GLDN: variants seen among roughly 807,000 people sequenced by gnomAD.
GLDN encodes collomin.
In GLDN, 47 loss-of-function variants were observed where a neutral mutation model predicts 56.5. The ratio of observed to expected loss-of-function variants is 0.83; its 90% CI spans 0.66 to 1.06. The LOEUF is 1.06. GLDN is among the 50% of genes least tolerant of loss of function. GLDN has a pLI of 0.00. For missense variants in GLDN, 782 were observed against 714.3 expected (o/e 1.09, Z -1.08); for synonymous variants, 332 against 278.8 (o/e 1.19, Z -1.90).
chr15:51,342,266 T>G (rs1595795959), intron 1 of GLDN, among the ~76,000 whole-genome samples: 4 of 151,950 alleles, frequency 2.6e-5, no homozygotes, highest in African/African-American at 7.3e-5. Flanking sequence ...AAGGAGGGAG[T>G]CTCTTCTACC....
intron 9 of GLDN, among the ~76,000 whole-genome samples, chr15:51,402,326 A>G (rs2038272411): frequency 6.6e-6 from 1 of 152,222 alleles, no homozygotes; most frequent in African/African-American, 2.4e-5. Flanking sequence ...AGAATTGCTG[A>G]AGTTCTGTCT....
chr15:51,364,205 G>A (rs575184918), intron 1 of GLDN, among the ~76,000 whole-genome samples: 4 of 152,118 alleles, frequency 2.6e-5, no homozygotes, highest in East Asian at 1.9e-4. Flanking sequence ...CTAATTACAC[G>A]GGTATTGGGC....
chr15:51,412,349 A>G (rs1363794063), downstream of GLDN, among the ~76,000 whole-genome samples: 2 of 152,350 alleles, frequency 1.3e-5, no homozygotes, highest in Non-Finnish European at 2.9e-5. Flanking sequence ...GATAAGGGTT[A>G]AAGACATCCA....
chr15:51,378,083 C>T (rs1323208064), intron 2 of GLDN, among the ~76,000 whole-genome samples: 1 of 152,152 alleles, frequency 6.6e-6, no homozygotes, highest in African/African-American at 2.4e-5. Flanking sequence ...CCTTTTTCCC[C>T]AATATTTCCC....
intron 1 of GLDN, among the ~76,000 whole-genome samples, chr15:51,362,739 C>A (rs1470857647): frequency 6.6e-6 from 1 of 151,874 alleles, no homozygotes; most frequent in Non-Finnish European, 1.5e-5. Flanking sequence ...TGTGGGTGGG[C>A]AAGTTAGGTC....
chr15:51,404,665 A>G lies in GLDN; in HGVS notation c.1567A>G (p.Asn523Asp). The G allele has an allele frequency of 6.2e-7, 1 of 1,613,518 alleles. No homozygotes were observed. Among genetic ancestry groups the G allele is most frequent in the South Asian group, 1.1e-5 (1 of 91,068 alleles). ...SQSVLAMLAY[N>D]MRDQHLYSWE... is the part of the protein sequence containing the mutation. Reference sequence around the variant, plus strand: ...GTCTGTTCTTGCCATGTTAGCATACAACATGAGAGATCAGCATTTATATTC... The same window carrying G: ...GTCTGTTCTTGCCATGTTAGCATACGACATGAGAGATCAGCATTTATATTC... Residue 523 changes from asparagine (N) to aspartate (D), a missense_variant, in exon 10 of 10, where the codon AAC becomes GAC. By Grantham distance (23) the Asn-to-Asp change is conservative. Transcript: ENST00000335449.
chr15:51,369,514 G>T (rs756821669), intron 1 of GLDN, among the ~76,000 whole-genome samples: 13 of 152,184 alleles, frequency 8.5e-5, no homozygotes, highest in Non-Finnish European at 1.6e-4. Context: ...GAGCAGGTTT[G>T]CTCTCTTACT....
chr15:51,372,890 G>T (rs1180105335), intron 1 of GLDN, among the ~76,000 whole-genome samples: 5 of 152,182 alleles, frequency 3.3e-5, no homozygotes, highest in Non-Finnish European at 7.3e-5. Flanking sequence ...GGAAGTCCAA[G>T]ATTGAGGTAC....
rs1011032120 is a variant in GLDN at position 51,341,843 on chromosome 15, G to T, written c.159G>T (p.Ala53=). ...GLSSALRALE[A]QRGREQREDS... Reference sequence around the variant, plus strand: ...GCTCGGCGCTGCGGGCTTTGGAGGCGCAGCGGGGCCGGGAGCAGCGCGAGG... The same window carrying T: ...GCTCGGCGCTGCGGGCTTTGGAGGCTCAGCGGGGCCGGGAGCAGCGCGAGG... Residue 53 remains alanine, a synonymous_variant, in exon 1 of 10, where the codon GCG becomes GCT. Transcript: ENST00000335449. 1 of 1,521,250 alleles carries T rather than the reference G, an allele frequency of 6.6e-7. No homozygotes were observed. The highest frequency in any genetic ancestry group is 2.0e-5 in the Admixed American group (1 of 49,472). 94.2% of individuals were successfully genotyped at this position (1,521,250 alleles called of 1,614,324 possible). A position where few individuals can be genotyped will look rare whatever the true frequency, so the allele number is the denominator to read the frequency against.
intron 2 of GLDN, among the ~76,000 whole-genome samples, chr15:51,381,681 G>A (rs2037763686): frequency 6.6e-6 from 1 of 151,878 alleles, no homozygotes; most frequent in Non-Finnish European, 1.5e-5. Flanking sequence ...AATACCTCTT[G>A]AATGTCTAGC....
chr15:51,403,487 A>G (rs2141137077), intron 9 of GLDN, among the ~76,000 whole-genome samples: 1 of 152,276 alleles, frequency 6.6e-6, no homozygotes, highest in Non-Finnish European at 1.5e-5. Flanking sequence ...TTTTAGCCTA[A>G]TGTTCCTGAA....
chr15:51,399,374 T>G (rs2038200975), intron 6 of GLDN, among the ~76,000 whole-genome samples: 1 of 152,190 alleles, frequency 6.6e-6, no homozygotes, highest in African/African-American at 2.4e-5. Context: ...GGCCTGAGGT[T>G]CAGTCCATGT....
In GLDN at chr15:51,404,681, A is replaced by G; in HGVS notation, c.1583A>G (p.His528Arg). Residue 528 changes from histidine (H) to arginine (R), a missense_variant, in exon 10 of 10, where the codon CAT becomes CGT. His to Arg is a conservative substitution (Grantham distance 29). Coordinates refer to ENST00000335449, the MANE Select transcript of GLDN (RefSeq NM_181789.4). ...AMLAYNMRDQ[H>R]LYSWEDGHLM... Reference sequence around the variant, plus strand: ...TTAGCATACAACATGAGAGATCAGCATTTATATTCATGGGAAGATGGCCAT... The same window carrying G: ...TTAGCATACAACATGAGAGATCAGCGTTTATATTCATGGGAAGATGGCCAT... 6.2e-7 allele frequency: 1 copy of G among 1,613,210 alleles called. No homozygotes were observed. Among genetic ancestry groups the G allele is most frequent in the East Asian group, 2.2e-5 (1 of 44,886 alleles).
downstream of GLDN, among the ~76,000 whole-genome samples, chr15:51,412,243 T>C (rs1286582773): frequency 6.6e-6 from 1 of 152,214 alleles, no homozygotes; most frequent in African/African-American, 2.4e-5. Context: ...AGTCTGACAC[T>C]AGAGTTCATG....
At chr15:51,412,600 G>A (rs573480853), downstream of GLDN, among the ~76,000 whole-genome samples, 129 of 152,302 alleles carry the variant, frequency 8.5e-4, no homozygotes, top group Middle Eastern at 0.024. Context: ...TGTTAGCATA[G>A]GATATCTTTT....
intron 1 of GLDN, among the ~76,000 whole-genome samples, chr15:51,362,458 C>T (rs1383241139): frequency 6.8e-6 from 1 of 146,678 alleles, no homozygotes; most frequent in Non-Finnish European, 1.5e-5. Context: ...GCACTTCAGC[C>T]TGGGTGACAG....
intron 9 of GLDN, among the ~76,000 whole-genome samples, chr15:51,404,075 C>T (rs1033513240): frequency 6.6e-6 from 1 of 152,164 alleles, no homozygotes; most frequent in African/African-American, 2.4e-5. Flanking sequence ...CTAGCACAGC[C>T]AGTCATTGTC....
At chr15:51,356,961 G>T (rs938538610) in intron 1 of GLDN, among the ~76,000 whole-genome samples, 2 of 152,156 alleles carry the variant, frequency 1.3e-5, no homozygotes, top group African/African-American at 4.8e-5. Flanking sequence ...TGACCCTAAA[G>T]TTTGGAATCT....
chr15:51,368,505 A>G (rs992140121), intron 1 of GLDN, among the ~76,000 whole-genome samples: 5 of 151,876 alleles, frequency 3.3e-5, no homozygotes, highest in Non-Finnish European at 7.4e-5. Flanking sequence ...GAGCTGTTAA[A>G]TGCCTGCGGC....
Sources: gnomAD v4.1 joint callset for allele counts (sites outside exome capture counted in the v4.1 genomes callset) on GRCh38, gnomAD v4.1.1 for gene constraint, MANE v1.5 for transcripts, NCBI Gene and HGNC (gene_info 2026-07-23, HGNC 2026-07-21) for gene names.